MR1: variants seen among roughly 807,000 people sequenced by gnomAD.
MR1 encodes major histocompatibility complex class I-related protein 1.
MR1 carries 44 observed loss-of-function variants against 37.8 expected under a neutral mutation model. That is an observed-to-expected ratio of 1.16 (90% confidence interval 0.91 to 1.50). The LOEUF (loss-of-function observed/expected upper bound fraction) is 1.50, where lower values mean the gene tolerates loss of function less well. MR1 is among the 40% of genes most tolerant of loss of function. MR1 has a pLI of 0.00. For synonymous variants in MR1, 153 were observed against 155.8 expected (o/e 0.98, Z 0.13); for missense variants, 386 against 419.1 (o/e 0.92, Z 0.69).
Position 181,050,067 on chromosome 1 carries a change from A to G in MR1, c.385A>G (p.Thr129Ala), listed in dbSNP as rs572518454. ...TGAGCTGCTGGAGGATGGAAGCACC[A>G]CAGGATTTCTGCAGTATGCATATGA... ...GCELLEDGST[T>A]GFLQYAYDGQ... The change falls in exon 3 of 6, where the codon ACA becomes GCA. Residue 129 changes from threonine (T) to alanine (A), a missense_variant. Coordinates refer to ENST00000367580, the MANE Select transcript of MR1 (RefSeq NM_001385161.1). 246 of 1,613,896 alleles carry G rather than the reference A, an allele frequency of 1.5e-4. 1 individual carries two copies. The South Asian group carries it at 2.5e-3, about 16-fold the overall frequency.
intron 1 of MR1, among the ~76,000 whole-genome samples, chr1:181,034,725 T>G (rs906427583): frequency 6.6e-5 from 10 of 152,202 alleles, no homozygotes; most frequent in African/African-American, 2.4e-4. Context: ...GGACTGGTAC[T>G]GGTGGGCAGT....
chr1:181,037,686 C>T (rs200200931), intron 1 of MR1, among the ~76,000 whole-genome samples: 3 of 152,038 alleles, frequency 2.0e-5, no homozygotes, highest in South Asian at 2.1e-4. Flanking sequence ...TTATATTTAT[C>T]GGGGAAAATC....
At chr1:181,037,321 G>T (rs899684147) in intron 1 of MR1, among the ~76,000 whole-genome samples, 2 of 152,260 alleles carry the variant, frequency 1.3e-5, no homozygotes, top group East Asian at 3.9e-4. Flanking sequence ...GAAAATATGG[G>T]CTTTTTCTTT....
chr1:181,050,299 A>C lies in MR1; in HGVS notation c.604+13A>C. The C allele has an allele frequency of 3.7e-6, 6 of 1,614,120 alleles. No homozygotes were observed. Among genetic ancestry groups the C allele is most frequent in the Non-Finnish European group, 4.2e-6 (5 of 1,179,998 alleles). On this transcript the variant is annotated intron_variant, in intron 3 of 5. Transcript: ENST00000367580. ...CTACAAAGAACAGGTAAAGAGAAAGAGAAGGCCTCATTCCCACATTGCCTG... is the reference window on the plus strand; with the variant it reads ...CTACAAAGAACAGGTAAAGAGAAAGCGAAGGCCTCATTCCCACATTGCCTG...
intron 3 of MR1, chr1:181,050,518 C>T: frequency 1.9e-6 from 1 of 537,594 alleles, no homozygotes; most frequent in Non-Finnish European, 3.3e-6. Context: ...CCTCCAAGGG[C>T]ACCTTGTTTT....
chr1:181,053,387 A>G (rs1658431002), intron 4 of MR1, among the ~76,000 whole-genome samples, 186 bp from the exon 5 acceptor site: 1 of 152,122 alleles, frequency 6.6e-6, no homozygotes, highest in Non-Finnish European at 1.5e-5. Flanking sequence ...GTCTCAAAAA[A>G]AAAAAAAAAA....
chr1:181,034,024 C>T lies in MR1; in HGVS notation c.17C>T (p.Ala6Val), dbSNP rs201173602. The T allele has an allele frequency of 4.7e-4, 759 of 1,612,664 alleles. No individual in the cohort carries two copies. Among genetic ancestry groups the T allele is most frequent in the Non-Finnish European group, 6.0e-4 (708 of 1,179,504 alleles). MGELM[A>V]FLLPLIIVLM... is the part of the protein sequence containing the mutation. ...AGAAGGACTATGGGGGAACTGATGG[C>T]GTTCCTGTTACCTCTCATCATTGTG... is the stretch of plus-strand genomic sequence containing the variant. Residue 6 changes from alanine to valine, a missense_variant, in exon 1 of 6, where the codon GCG becomes GTG. By Grantham distance (64) the Ala-to-Val change is moderately conservative (BLOSUM62 0). Transcript: ENST00000367580.
In MR1 at chr1:181,055,503, T is replaced by C; in HGVS notation, c.*238T>C. On this transcript the variant is annotated 3_prime_UTR_variant, in exon 6 of 6. Transcript: ENST00000367580. ...TGGACTGTTTTATCAGAGTTGACTT[T>C]AAATACAGCTTGTCTCATGACACAA... 3.7e-6 allele frequency: 2 copies of C among 534,924 alleles called. No individual in the cohort carries two copies. Among genetic ancestry groups the C allele is most frequent in the Non-Finnish European group, 6.6e-6 (2 of 304,070 alleles). The allele number at this position is 534,924 out of a possible 1,614,324, so 33.1% of individuals were successfully genotyped here. A position where few individuals can be genotyped will look rare whatever the true frequency, so the allele number is the denominator to read the frequency against.
intron 5 of MR1, 25 bp downstream of exon 5, chr1:181,053,702 A>T: frequency 6.7e-7 from 1 of 1,488,070 alleles, no homozygotes. Context: ...GAAGGGATCC[A>T]GGGGGCTGCA....
At chr1:181,049,390 C>A in intron 2 of MR1, 78 bp downstream of exon 2, 1 of 1,492,978 alleles carries the variant, frequency 6.7e-7, no homozygotes, top group Non-Finnish European at 9.0e-7. Context: ...CTCCAATAAG[C>A]GGATGCTGAA....
chr1:181,049,012 C>T, intron 1 of MR1, 40 bp from the exon 2 acceptor site: 1 of 1,594,998 alleles, frequency 6.3e-7, no homozygotes, highest in Non-Finnish European at 8.5e-7. Flanking sequence ...TCTGGATCAT[C>T]TGGGACCCTA....
At chr1:181,052,654 C>T in intron 4 of MR1, 144 bp downstream of exon 4, 1 of 935,014 alleles carries the variant, frequency 1.1e-6, no homozygotes, top group Non-Finnish European at 1.6e-6. Flanking sequence ...AAGTGGTTCT[C>T]ACACTTTTTG....
chr1:181,061,433 C>T lies in MR1; in HGVS notation c.*6168C>T, dbSNP rs979838888. ...CAGGGCACAAGCCTACATGGTGGCT[C>T]TGGTCATATCATTAGAAAATAGACA... On this transcript the variant is annotated 3_prime_UTR_variant, in exon 6 of 6. Transcript: ENST00000367580. 3 of 152,128 alleles carry T rather than the reference C, an allele frequency of 2.0e-5. No homozygotes were observed. The highest frequency in any genetic ancestry group is 4.4e-5 in the Non-Finnish European group (3 of 68,040). 9.4% of individuals were successfully genotyped at this position (152,128 alleles called of 1,614,324 possible). A position where few individuals can be genotyped will look rare whatever the true frequency, so the allele number is the denominator to read the frequency against.
chr1:181,047,610 T>C (rs1374042392), intron 1 of MR1, among the ~76,000 whole-genome samples: 3 of 118,360 alleles, frequency 2.5e-5, no homozygotes, highest in Non-Finnish European at 5.4e-5. Flanking sequence ...AAAAAATAAA[T>C]AAATAGGCTG....
At chr1:181,048,386 T>C (rs1170604821) in intron 1 of MR1, among the ~76,000 whole-genome samples, 1 of 151,616 alleles carries the variant, frequency 6.6e-6, no homozygotes, top group Non-Finnish European at 1.5e-5. Context: ...CTACAAAAAA[T>C]TAGCCAGGCG....
rs1319000430 is a variant in MR1, at chr1:181,057,488, G to A, written c.*2223G>A. 4 of 152,154 alleles carry A rather than the reference G, an allele frequency of 2.6e-5. No individual in the cohort carries two copies. Among genetic ancestry groups the A allele is most frequent in the African/African-American group, 9.7e-5 (4 of 41,440 alleles). 9.4% of individuals were successfully genotyped at this position (152,154 alleles called of 1,614,324 possible). ...CAGGTGATAATGTATCTATGTAAAT[G>A]CCTTTTGATTCTGCAACTGCAGGAT... On this transcript the variant is annotated 3_prime_UTR_variant, in exon 6 of 6. Transcript: ENST00000367580.
intron 1 of MR1, among the ~76,000 whole-genome samples, chr1:181,045,027 A>G (rs1657775609): frequency 6.6e-6 from 1 of 152,216 alleles, no homozygotes; most frequent in Non-Finnish European, 1.5e-5. Flanking sequence ...TCGAAGCCAT[A>G]CAAAGGGCAA....
At chr1:181,055,151 G>C in intron 5 of MR1, 74 bp from the exon 6 acceptor site, 1 of 1,423,092 alleles carries the variant, frequency 7.0e-7, no homozygotes, top group East Asian at 2.3e-5. Context: ...AGATTTTGCT[G>C]AACACTGCAT....
intron 3 of MR1, among the ~76,000 whole-genome samples, chr1:181,051,725 A>G (rs1658331947): frequency 6.6e-6 from 1 of 152,180 alleles, no homozygotes; most frequent in African/African-American, 2.4e-5. Context: ...TCTACTACAT[A>G]TGTTTGTACC....
Sources: gnomAD v4.1 joint callset for allele counts (sites outside exome capture counted in the v4.1 genomes callset) on GRCh38, gnomAD v4.1.1 for gene constraint, MANE v1.5 for transcripts, NCBI Gene and HGNC (gene_info 2026-07-23, HGNC 2026-07-21) for gene names.